The following TRIM14 variants were observed in gnomAD, a reference collection of about 807,000 sequenced individuals.
TRIM14 encodes tripartite motif-containing protein 14.
In TRIM14, 28 loss-of-function variants were observed where a neutral mutation model predicts 44.5. The ratio of observed to expected loss-of-function variants is 0.63; its 90% CI spans 0.47 to 0.86. TRIM14 has a LOEUF of 0.86. Ranked by LOEUF, TRIM14 falls within the 40% of genes least tolerant of loss-of-function variation. TRIM14 has a pLI of 0.00. For missense variants in TRIM14, 607 were observed against 611.1 expected, an observed-to-expected ratio of 0.99 and a Z score of 0.07; for synonymous variants, 299 against 269.2, an observed-to-expected ratio of 1.11 and a Z score of -1.08.
At chr9:98,116,413 C>T (rs938623531) in intron 1 of TRIM14, among the ~76,000 whole-genome samples, 9 of 152,054 alleles carry the variant, frequency 5.9e-5, no homozygotes, top group South Asian at 2.1e-4. Flanking sequence ...TGTCACTTTC[C>T]GACAGGTCTA....
rs760144924 is a variant in TRIM14 at position 98,076,909 on chromosome 9, T to C, written c.*29-7222A>G. On this transcript the variant is annotated intron_variant, in intron 6 of 6. Transcript: ENST00000375098. ...TGGTGAAAAGGAGCTCCCTCTTTGA[T>C]TTTTGTAGATGGCAGTTGAATTCCT... 7.6e-5 allele frequency: 122 copies of C among 1,606,094 alleles called. No homozygotes were observed. The highest frequency in any genetic ancestry group is 1.0e-4 in the Non-Finnish European group (117 of 1,175,844).
rs1263645850 is a variant in TRIM14 at position 98,087,044 on chromosome 9, A to C, written c.*426T>G. 1 of 320,178 alleles carries C rather than the reference A, an allele frequency of 3.1e-6. No individual in the cohort carries two copies. The highest frequency in any genetic ancestry group is 6.2e-6 in the Non-Finnish European group (1 of 161,376). The allele number at this position is 320,178 out of a possible 1,614,324, so 19.8% of individuals were successfully genotyped here. On this transcript the variant is annotated 3_prime_UTR_variant, in exon 6 of 6. Coordinates refer to ENST00000341469, the MANE Select transcript of TRIM14 (RefSeq NM_014788.4). ...AGATTCAAGGGACCTCAAGAGACAG[A>C]AGAGTCAGGACTGGATGACTCCCAT...
intron 1 of TRIM14, 117 bp from the exon 2 acceptor site, chr9:98,110,101 G>T: frequency 2.6e-6 from 2 of 780,018 alleles, no homozygotes; most frequent in East Asian, 2.5e-5. Context: ...GGCATCTGAA[G>T]GTGAGGTAAC....
At position 98,087,817 on chromosome 9, in the gene TRIM14, C is replaced by A. The variant is rs746766293; in HGVS notation, c.982G>T (p.Val328Leu). Reference protein sequence around the residue: ...ATGRHYWEVDVQEAGAGWWVG... With the variant: ...ATGRHYWEVDLQEAGAGWWVG... Reference sequence around the variant, plus strand: ...CACCAGCCGGCGCCCGCCTCCTGCACGTCAACCTCCCAGTAGTGGCGGCCG... The same window carrying A: ...CACCAGCCGGCGCCCGCCTCCTGCAAGTCAACCTCCCAGTAGTGGCGGCCG... Residue 328 changes from valine (V) to leucine (L), a missense_variant, in exon 6 of 6, where the codon GTG becomes TTG. Val to Leu is a conservative substitution (Grantham distance 32). Around this residue, in one of 3 missense-constraint regions of TRIM14, gnomAD observed 356 missense variants for 323.0 expected, o/e 1.10. Transcript: ENST00000341469. 3.5e-4 allele frequency: 531 copies of A among 1,529,452 alleles called. 1 individual carries two copies. The highest frequency in any genetic ancestry group is 9.5e-4 in the Admixed American group (46 of 48,450). The allele number at this position is 1,529,452 out of a possible 1,614,324, so 94.7% of individuals were successfully genotyped here. A position where few individuals can be genotyped will look rare whatever the true frequency, so the allele number is the denominator to read the frequency against.
the TRIM14 span, among the ~76,000 whole-genome samples, chr9:98,042,275 C>T: frequency 0.013 from 1,788 of 135,676 alleles, 44 homozygotes; most frequent in African/African-American, 0.051. Context: ...CCCAGGCGAA[C>T]GTGCCAGACT....
At chr9:98,059,442 TCTCA>T in the TRIM14 span, among the ~76,000 whole-genome samples, 2 of 152,096 alleles carry the variant, frequency 1.3e-5, no homozygotes, top group Non-Finnish European at 2.9e-5. Flanking sequence ...TGAGTCAAGG[TCTCA>T]CTCTGTTGCT....
the TRIM14 span, among the ~76,000 whole-genome samples, chr9:98,038,877 C>A: frequency 6.6e-6 from 1 of 151,874 alleles, no homozygotes; most frequent in East Asian, 1.9e-4. Flanking sequence ...AGTGAAACCC[C>A]GCCTCTACTA....
chr9:98,040,805 C>T, the TRIM14 span, among the ~76,000 whole-genome samples: 4 of 151,902 alleles, frequency 2.6e-5, no homozygotes, highest in South Asian at 4.2e-4. Flanking sequence ...TACAGGTGCC[C>T]GACATCACGC....
At chr9:98,067,049 A>G (rs1222937523), downstream of TRIM14, among the ~76,000 whole-genome samples, 1 of 152,038 alleles carries the variant, frequency 6.6e-6, no homozygotes, top group East Asian at 1.9e-4. Flanking sequence ...TTCATATAAC[A>G]TTGTGTTTTC....
chr9:98,092,552 G>A, intron 4 of TRIM14: 1 of 359,114 alleles, frequency 2.8e-6, no homozygotes, highest in Non-Finnish European at 5.7e-6. Flanking sequence ...ACAGGGGCCT[G>A]TAGAGATCTG....
At chr9:98,040,794 T>A in the TRIM14 span, among the ~76,000 whole-genome samples, 1 of 151,960 alleles carries the variant, frequency 6.6e-6, no homozygotes, top group African/African-American at 2.4e-5. Flanking sequence ...GTAGCTAGGA[T>A]TACAGGTGCC....
At chr9:98,110,022 G>A (rs1344908431) in intron 1 of TRIM14, 38 bp from the exon 2 acceptor site, 2 of 1,515,960 alleles carry the variant, frequency 1.3e-6, no homozygotes, top group South Asian at 1.1e-5. Context: ...TCGTAATACT[G>A]TCACTTTCCA....
chr9:98,100,840 A>C (rs979784909), intron 2 of TRIM14, among the ~76,000 whole-genome samples: 18 of 152,152 alleles, frequency 1.2e-4, no homozygotes, highest in African/African-American at 4.1e-4. Flanking sequence ...AAAATAATTA[A>C]AATAATATGA....
the TRIM14 span, among the ~76,000 whole-genome samples, chr9:98,044,123 G>A: frequency 2.6e-5 from 4 of 151,452 alleles, no homozygotes; most frequent in African/African-American, 7.3e-5. Context: ...CACCACTGAG[G>A]TGTTACTGCC....
chr9:98,056,954 TCCCGGGA>T, the TRIM14 span: 2 of 1,566,140 alleles, frequency 1.3e-6, no homozygotes. Flanking sequence ...AGGCGGCAGC[TCCCGGGA>T]CCCGGGATTC....
chr9:98,097,186 CCT>C (rs1826217412), intron 3 of TRIM14, among the ~76,000 whole-genome samples: 1 of 152,058 alleles, frequency 6.6e-6, no homozygotes, highest in Non-Finnish European at 1.5e-5. Context: ...AGAGTGAGAC[CCT>C]GTCTCAAAAA....
the TRIM14 span, among the ~76,000 whole-genome samples, chr9:98,057,999 T>G: frequency 5.3e-5 from 7 of 132,664 alleles, no homozygotes; most frequent in Non-Finnish European, 9.3e-5. Context: ...CCCGGCTCAC[T>G]GCAACCTCTG....
the TRIM14 span, among the ~76,000 whole-genome samples, chr9:98,051,844 C>T: frequency 6.6e-6 from 1 of 151,004 alleles, no homozygotes; most frequent in Admixed American, 6.6e-5. Context: ...CAAAGCCAAT[C>T]AGCTCATTTT....
downstream of TRIM14, among the ~76,000 whole-genome samples, chr9:98,082,545 A>T (rs2118061549): frequency 6.6e-6 from 1 of 152,378 alleles, no homozygotes; most frequent in Non-Finnish European, 1.5e-5. Flanking sequence ...CATTTGACAG[A>T]GAAACTAAAA....
Sources: gnomAD v4.1 joint callset for allele counts (sites outside exome capture counted in the v4.1 genomes callset) on GRCh38, gnomAD v4.1.1 for gene constraint, gnomAD v4.1.1 regional missense constraint, MANE v1.5 for transcripts, NCBI Gene and HGNC (gene_info 2026-07-23, HGNC 2026-07-21) for gene names.